KDM4B: variants seen among roughly 807,000 people sequenced by gnomAD.
KDM4B encodes the protein lysine-specific demethylase 4B.
A neutral mutation model predicts 125.2 loss-of-function variants in KDM4B; 32 were observed. The ratio of observed to expected loss-of-function variants is 0.26; its 90% CI spans 0.19 to 0.34. KDM4B has a LOEUF of 0.34. Ranked by LOEUF, KDM4B falls within the 10% of genes least tolerant of loss-of-function variation. The probability of loss-of-function intolerance (pLI) is 1.00; values close to 1 mark genes in which losing one functional copy is unlikely to be tolerated. For synonymous variants in KDM4B, 721 were observed against 677.9 expected (o/e 1.06, Z -0.99); for missense variants, 1,190 against 1,577.7 (o/e 0.75, Z 4.16).
chr19:4,977,161 A>G (rs2034475853), intron 1 of KDM4B, among the ~76,000 whole-genome samples: 1 of 151,936 alleles, frequency 6.6e-6, no homozygotes, highest in Non-Finnish European at 1.5e-5. Context: ...GGGATGGATG[A>G]CAAGTTTGCG....
chr19:4,972,345 C>T (rs937355652), intron 1 of KDM4B, among the ~76,000 whole-genome samples: 8 of 152,170 alleles, frequency 5.3e-5, no homozygotes, highest in Admixed American at 5.2e-4. Flanking sequence ...ACACCTCCCT[C>T]CCAGGTGGTT....
chr19:5,041,906 G>A (rs1275720950), intron 5 of KDM4B, among the ~76,000 whole-genome samples: 1 of 152,250 alleles, frequency 6.6e-6, no homozygotes, highest in Non-Finnish European at 1.5e-5. Context: ...CTGCTTAGTG[G>A]ACCTTGTCTG....
chr19:5,083,164 A>G (rs2038357027), intron 9 of KDM4B, among the ~76,000 whole-genome samples: 2 of 152,092 alleles, frequency 1.3e-5, no homozygotes, highest in South Asian at 4.2e-4. Flanking sequence ...TTGGCCAGCA[A>G]TTGGCGTCTG....
At chr19:5,026,531 T>C (rs1047738825) in intron 2 of KDM4B, among the ~76,000 whole-genome samples, 2 of 152,052 alleles carry the variant, frequency 1.3e-5, no homozygotes, top group African/African-American at 4.8e-5. Flanking sequence ...CGTTGTTAAT[T>C]AGTAGTCTTC....
chr19:5,145,815 C>T lies in KDM4B; in HGVS notation c.3021+913C>T, dbSNP rs115420272. Among the ~76,000 whole-genome samples the T allele has an allele frequency of 4.7e-3, 717 of 152,280 alleles. 4 individuals are homozygous for T. The highest frequency in any genetic ancestry group is 9.8e-3 in the African/African-American group (407 of 41,550). On this transcript the variant is annotated intron_variant, in intron 21 of 22. Coordinates refer to ENST00000159111, the MANE Select transcript of KDM4B (RefSeq NM_015015.3). The stretch of plus-strand genomic sequence containing the variant: ...TCACTCAGAGTCACCTCGGGTCACG[C>T]GGCGGGTCAGTCGGTGACGTCCTGG...
rs149870966 is a variant in KDM4B at position 5,035,880 on chromosome 19, T to TGCGCGCGC, written c.141+2858_141+2865dup. Among the ~76,000 whole-genome samples the TGCGCGCGC allele has an allele frequency of 7.3e-6, 1 of 136,504 alleles. No homozygotes were observed. The highest frequency in any genetic ancestry group is 1.6e-5 in the Non-Finnish European group (1 of 62,346). The allele number at this position is 136,504 out of a possible 152,430, so 89.6% of individuals were successfully genotyped here. On this transcript the variant is annotated intron_variant, in intron 3 of 22. Coordinates refer to ENST00000159111, the MANE Select transcript of KDM4B (RefSeq NM_015015.3). This position sits in a 1 kb window ranked among gnomAD's most constrained non-coding sequence, Gnocchi z 5.3. ...ACGTGTCTCTGTGTGTGTGTGTGTG[T>TGCGCGCGC]GCGCGCGCGCGCGCGCCTGCGCGCA...
intron 9 of KDM4B, among the ~76,000 whole-genome samples, chr19:5,109,039 T>C (rs1169605994): frequency 6.6e-6 from 1 of 152,180 alleles, no homozygotes; most frequent in African/African-American, 2.4e-5. Flanking sequence ...ACTCTGTCCC[T>C]GGCCTCTGTT....
chr19:5,020,172 T>C (rs945633757), intron 2 of KDM4B, among the ~76,000 whole-genome samples: 1 of 138,970 alleles, frequency 7.2e-6, no homozygotes, highest in Non-Finnish European at 1.6e-5. Flanking sequence ...TGGATGTTGG[T>C]GTGGGTGTTG....
intron 10 of KDM4B, chr19:5,111,479 G>A (rs2039144376): frequency 1.3e-6 from 1 of 765,186 alleles, no homozygotes; most frequent in African/African-American, 1.7e-5. Flanking sequence ...CTGACCACAA[G>A]AGGCCATGGG....
chr19:5,089,713 ACC>A (rs397766525), intron 9 of KDM4B, among the ~76,000 whole-genome samples: 1 of 147,274 alleles, frequency 6.8e-6, no homozygotes, highest in Non-Finnish European at 1.5e-5. Context: ...AAAAAAAAAA[ACC>A]CACATACTCC....
chr19:5,024,744 T>G (rs997188772), intron 2 of KDM4B, among the ~76,000 whole-genome samples: 1 of 149,978 alleles, frequency 6.7e-6, no homozygotes, highest in Non-Finnish European at 1.5e-5. Context: ...AGGTCAGGAG[T>G]TGGAGACCAG....
Position 5,089,776 on chromosome 19 carries a change from G to GA in KDM4B, c.918+7272_918+7273insA, listed in dbSNP as rs2038629134. On this transcript the variant is annotated intron_variant, in intron 9 of 22. Coordinates refer to ENST00000159111, the MANE Select transcript of KDM4B (RefSeq NM_015015.3). ...CTCTGGGGAGGGAAGAGTGGGGTCC[G>GA]CCATTCCTAGGTGCTTCTTGAGCAA... Among the ~76,000 whole-genome samples, 3 of 151,454 alleles carry GA rather than the reference G, an allele frequency of 2.0e-5. No homozygotes were observed. The South Asian group carries it at 6.3e-4, about 32-fold the overall frequency.
chr19:5,067,965 G>C (rs1240970013), intron 6 of KDM4B, among the ~76,000 whole-genome samples: 1 of 152,184 alleles, frequency 6.6e-6, no homozygotes, highest in African/African-American at 2.4e-5. Flanking sequence ...GCCTCCCCGT[G>C]TCAGTGGCCA....
At chr19:5,042,681 A>G (rs948674162) in intron 5 of KDM4B, among the ~76,000 whole-genome samples, 39 of 145,150 alleles carry the variant, frequency 2.7e-4, no homozygotes, top group African/African-American at 7.7e-4. Flanking sequence ...GGAGAGAGTG[A>G]GGGGGGGGGC....
At chr19:4,973,602 G>C (rs1184577773) in intron 1 of KDM4B, among the ~76,000 whole-genome samples, 1 of 152,170 alleles carries the variant, frequency 6.6e-6, no homozygotes, top group Non-Finnish European at 1.5e-5. Context: ...ACGAATTGAT[G>C]TTTCTTGGTT....
chr19:5,032,144 C>T (rs999463144), intron 2 of KDM4B, among the ~76,000 whole-genome samples: 10 of 152,206 alleles, frequency 6.6e-5, no homozygotes, highest in Admixed American at 6.5e-5. Context: ...CGCTCCCGCC[C>T]GCAGCCTCCG....
At chr19:5,050,317 C>T (rs959389888) in intron 6 of KDM4B, among the ~76,000 whole-genome samples, 14 of 152,246 alleles carry the variant, frequency 9.2e-5, no homozygotes, top group African/African-American at 3.4e-4. Context: ...TGCTCTCAGG[C>T]AGCGGGGCTA....
At chr19:5,008,906 C>CTTTTTT (rs200928850) in intron 1 of KDM4B, among the ~76,000 whole-genome samples, 1 of 104,466 alleles carries the variant, frequency 9.6e-6, no homozygotes, top group African/African-American at 4.7e-5. Context: ...TGGCCCCTGC[C>CTTTTTT]TTTTTTTTTT....
intron 1 of KDM4B, among the ~76,000 whole-genome samples, chr19:4,991,510 T>A (rs528305708): frequency 1.3e-5 from 2 of 152,214 alleles, no homozygotes; most frequent in Non-Finnish European, 2.9e-5. Context: ...AATAAAGAGA[T>A]TTCCCTAGGC....
Sources: gnomAD v4.1 joint callset for allele counts (sites outside exome capture counted in the v4.1 genomes callset) on GRCh38, gnomAD v4.1.1 for gene constraint, Gnocchi (gnomAD v3.1) non-coding constraint, MANE v1.5 for transcripts, NCBI Gene and HGNC (gene_info 2026-07-23, HGNC 2026-07-21) for gene names.